The following CNOT2 variants were observed in gnomAD, a reference collection of about 807,000 sequenced individuals.
CNOT2 encodes CCR4-NOT transcription complex subunit 2, also known as CC chemokine receptor 4-negative regulator of transcription 2.
Under a neutral mutation model 72.1 loss-of-function variants are expected in CNOT2, and 7 were observed. The ratio of observed to expected loss-of-function variants is 0.10; its 90% CI spans 0.06 to 0.18. CNOT2 has a LOEUF of 0.18. Ranked by LOEUF, CNOT2 falls within the 10% of genes least tolerant of loss-of-function variation. CNOT2 has a pLI of 1.00. For synonymous variants in CNOT2, 196 were observed against 225.6 expected (o/e 0.87, Z 1.17); for missense variants, 345 against 660.3 (o/e 0.52, Z 5.23).
chr12:70,329,618 G>T, intron 5 of CNOT2, 48 bp downstream of exon 5: 1 of 1,404,156 alleles, frequency 7.1e-7, no homozygotes, highest in South Asian at 1.2e-5. Context: ...TCTTGGTAGA[G>T]TAAACAAACT....
At position 70,305,162 on chromosome 12, in the gene CNOT2, C is replaced by T. The variant is rs888407520; in HGVS notation, c.49-5733C>T. On this transcript the variant is annotated intron_variant, in intron 2 of 15. Coordinates refer to ENST00000229195, the MANE Select transcript of CNOT2 (RefSeq NM_014515.7). The stretch of plus-strand genomic sequence containing the variant: ...GCCCTGTTTCGGCTCACGCATGGTG[C>T]GCCGCACCCACTGTCCCGCACCCAC... 2.6e-5 allele frequency among the ~76,000 whole-genome samples: 4 copies of T among 152,200 alleles called. 1 individual carries two copies. Among genetic ancestry groups the T allele is most frequent in the South Asian group, 4.1e-4 (2 of 4,834 alleles).
chr12:70,296,758 C>A (rs1872864961), intron 2 of CNOT2, among the ~76,000 whole-genome samples: 1 of 65,886 alleles, frequency 1.5e-5, no homozygotes. Context: ...TTTATTTAAG[C>A]CCCCCCCCCT....
chr12:70,285,943 C>G (rs1870816716), intron 2 of CNOT2, among the ~76,000 whole-genome samples: 1 of 151,808 alleles, frequency 6.6e-6, no homozygotes, highest in South Asian at 2.1e-4. Context: ...CAGCTTAGCT[C>G]TCTGACCTCT....
intron 4 of CNOT2, among the ~76,000 whole-genome samples, chr12:70,328,791 G>C (rs1361709862): frequency 6.6e-6 from 1 of 150,702 alleles, no homozygotes; most frequent in East Asian, 2.0e-4. Flanking sequence ...ATAAATACAG[G>C]GGCATTATAT....
chr12:70,330,386 G>A lies in CNOT2; in HGVS notation c.486G>A (p.Gly162=), dbSNP rs746831273. 3.1e-6 allele frequency: 5 copies of A among 1,612,438 alleles called. No individual in the cohort carries two copies. Among genetic ancestry groups the A allele is most frequent in the Middle Eastern group, 1.7e-4 (1 of 6,050 alleles). The change falls in exon 6 of 16, where the codon GGG becomes GGA. Residue 162 remains glycine, a synonymous_variant. Transcript: ENST00000229195. ...GGACAAATAGCATGAGCAGTTCAGG[G>A]TTAGGTAGCCCCAACAGAAGCTCGC... ...PSRTNSMSSS[G]LGSPNRSSPS...
chr12:70,342,631 T>G (rs548260140), intron 13 of CNOT2, among the ~76,000 whole-genome samples: 2 of 151,998 alleles, frequency 1.3e-5, no homozygotes, highest in Non-Finnish European at 2.9e-5. Flanking sequence ...AGATACAGTG[T>G]TTTTAATGAG....
chr12:70,337,876 C>T, intron 9 of CNOT2: 1 of 394,798 alleles, frequency 2.5e-6, no homozygotes, highest in Non-Finnish European at 4.9e-6. Context: ...TTGATTCAAC[C>T]AACTCAGCTT....
rs68143994 is a variant in CNOT2 at position 70,288,136 on chromosome 12, CTTTTTTTTTTTT to C, written c.48+9875_48+9886del. On this transcript the variant is annotated intron_variant, in intron 2 of 15. Coordinates refer to ENST00000229195, the MANE Select transcript of CNOT2 (RefSeq NM_014515.7). Reference sequence around the variant, plus strand: ...GGGTTATTACAATTATGGTGTAGCTCTTTTTTTTTTTTTTTTTTTTTTTTGAAACGGAGTTTC... The same window carrying C: ...GGGTTATTACAATTATGGTGTAGCTCTTTTTTTTTTTTGAAACGGAGTTTC... Among the ~76,000 whole-genome samples the C allele has an allele frequency of 9.2e-4, 80 of 86,708 alleles. 5 individuals are homozygous for C. In the Middle Eastern group the frequency reaches 0.036, roughly 39 times the overall value. 56.9% of individuals were successfully genotyped at this position (86,708 alleles called of 152,430 possible). A position where few individuals can be genotyped will look rare whatever the true frequency, so the allele number is the denominator to read the frequency against.
chr12:70,274,725 T>G (rs969894397), intron 1 of CNOT2, among the ~76,000 whole-genome samples: 5 of 152,060 alleles, frequency 3.3e-5, no homozygotes, highest in African/African-American at 1.2e-4. Flanking sequence ...ATCTATTTTT[T>G]GGGTTTGTAA....
At chr12:70,339,046 GTGTGCA>G (rs1191164510) in intron 11 of CNOT2, among the ~76,000 whole-genome samples, 5 of 140,756 alleles carry the variant, frequency 3.6e-5, no homozygotes, top group East Asian at 2.2e-4. Context: ...GTGTGTGTGT[GTGTGCA>G]TGTGCATGTA....
At chr12:70,259,486 CATCA>C (rs1958638648) in intron 1 of CNOT2, among the ~76,000 whole-genome samples, 1 of 152,084 alleles carries the variant, frequency 6.6e-6, no homozygotes, top group Non-Finnish European at 1.5e-5. Context: ...AGAATATTCC[CATCA>C]ACCCTCAAGT....
chr12:70,340,800 C>T (rs994364067), intron 11 of CNOT2, among the ~76,000 whole-genome samples: 3 of 151,844 alleles, frequency 2.0e-5, no homozygotes, highest in Admixed American at 2.0e-4. Context: ...CTTCATATAA[C>T]AGCCAAGACA....
At chr12:70,285,183 G>C (rs1235695347) in intron 2 of CNOT2, among the ~76,000 whole-genome samples, 3 of 151,886 alleles carry the variant, frequency 2.0e-5, no homozygotes, top group African/African-American at 7.3e-5. Context: ...ACAGAAGCAA[G>C]CAAAGTTATG....
intron 1 of CNOT2, chr12:70,243,925 G>GCCGTGT (rs1231408528): frequency 6.6e-6 from 1 of 152,288 alleles, no homozygotes; most frequent in Non-Finnish European, 1.5e-5. Flanking sequence ...CGTGGCCGTG[G>GCCGTGT]CCGACGAGCT....
intron 10 of CNOT2, 51 bp from the exon 11 acceptor site, chr12:70,338,615 A>AT: frequency 6.3e-7 from 1 of 1,593,114 alleles, no homozygotes; most frequent in East Asian, 2.2e-5. Context: ...TTTTTTTTCT[A>AT]TTTTTTAACT....
rs570201070 is a variant in CNOT2 at position 70,325,342 on chromosome 12, T to C, written c.239-4081T>C. Among the ~76,000 whole-genome samples, 3 of 151,932 alleles carry C rather than the reference T, an allele frequency of 2.0e-5. No homozygotes were observed. In the South Asian group the frequency reaches 6.2e-4, roughly 31 times the overall value. On this transcript the variant is annotated intron_variant, in intron 4 of 15. Coordinates refer to ENST00000229195, the MANE Select transcript of CNOT2 (RefSeq NM_014515.7). ...GAAACACCTGGGGAATTTTTAAAAT[T>C]CCACTGCCATGATTGCCCAAAATCA...
intron 1 of CNOT2, among the ~76,000 whole-genome samples, chr12:70,261,949 T>C (rs1052422414): frequency 7.9e-5 from 12 of 152,100 alleles, no homozygotes. Flanking sequence ...GTCTGTGACT[T>C]TGTAAGAATT....
intron 1 of CNOT2, among the ~76,000 whole-genome samples, chr12:70,248,139 C>T (rs1486079051): frequency 2.0e-5 from 3 of 152,084 alleles, no homozygotes; most frequent in Non-Finnish European, 2.9e-5. Context: ...TTGTATTTGT[C>T]TTTACAAGGT....
intron 3 of CNOT2, among the ~76,000 whole-genome samples, chr12:70,312,777 G>C (rs997245719): frequency 6.6e-6 from 1 of 151,874 alleles, no homozygotes; most frequent in Non-Finnish European, 1.5e-5. Context: ...TGTAAAAATA[G>C]GAGTAATAAT....
Sources: gnomAD v4.1 joint callset for allele counts (sites outside exome capture counted in the v4.1 genomes callset) on GRCh38, gnomAD v4.1.1 for gene constraint, MANE v1.5 for transcripts, NCBI Gene and HGNC (gene_info 2026-07-23, HGNC 2026-07-21) for gene names.